The following AP2B1 variants were observed in gnomAD, a reference collection of about 807,000 sequenced individuals.
The protein encoded by AP2B1 is AP-2 complex subunit beta.
Under a neutral mutation model 102.0 loss-of-function variants are expected in AP2B1, and 23 were observed. The observed-to-expected ratio is 0.23, with a 90% CI of 0.16 to 0.32. The LOEUF (loss-of-function observed/expected upper bound fraction) is 0.32, where lower values mean the gene tolerates loss of function less well. Ranked by LOEUF, AP2B1 falls within the 10% of genes least tolerant of loss-of-function variation. The pLI is 1.00. For missense variants in AP2B1, 541 were observed against 1,157.4 expected (o/e 0.47, Z 7.73); for synonymous variants, 381 against 421.2 (o/e 0.90, Z 1.17).
chr17:35,630,428 C>T (rs891517214), intron 9 of AP2B1, among the ~76,000 whole-genome samples: 3 of 152,176 alleles, frequency 2.0e-5, no homozygotes, highest in Non-Finnish European at 2.9e-5. Flanking sequence ...TACTAGCCGT[C>T]TACTTAGTAT....
intron 12 of AP2B1, among the ~76,000 whole-genome samples, chr17:35,649,220 G>T (rs1409536429): frequency 6.6e-6 from 1 of 151,968 alleles, no homozygotes; most frequent in African/African-American, 2.4e-5. Context: ...ATATATGGAA[G>T]ATATAATATA....
chr17:35,610,689 C>G (rs763242535), intron 5 of AP2B1, among the ~76,000 whole-genome samples: 1 of 151,882 alleles, frequency 6.6e-6, no homozygotes, highest in Non-Finnish European at 1.5e-5. Flanking sequence ...GGGTGGATCA[C>G]GAAGTCAGGA....
intron 13 of AP2B1, among the ~76,000 whole-genome samples, chr17:35,651,946 T>A (rs1272255126): frequency 6.6e-6 from 1 of 152,208 alleles, no homozygotes; most frequent in South Asian, 2.1e-4. Flanking sequence ...CAAGTTTCGA[T>A]GTAGATACGG....
At chr17:35,613,626 TAGAG>T (rs1403217779) in intron 5 of AP2B1, among the ~76,000 whole-genome samples, 1 of 152,210 alleles carries the variant, frequency 6.6e-6, no homozygotes, top group African/African-American at 2.4e-5. Flanking sequence ...GCTACTATCT[TAGAG>T]AGTTGTTTGG....
intron 18 of AP2B1, among the ~76,000 whole-genome samples, chr17:35,684,660 T>A (rs2075893743): frequency 6.6e-6 from 1 of 152,194 alleles, no homozygotes; most frequent in Non-Finnish European, 1.5e-5. Context: ...GCTGTTACTA[T>A]GATGACAGTA....
At chr17:35,659,950 C>T in intron 14 of AP2B1, 1 of 985,326 alleles carries the variant, frequency 1.0e-6, no homozygotes, top group Non-Finnish European at 1.2e-6. Context: ...CCTAAATTTG[C>T]CTGTGTGGAA....
intron 4 of AP2B1, among the ~76,000 whole-genome samples, chr17:35,606,684 C>A (rs1013413425): frequency 1.3e-5 from 2 of 152,056 alleles, no homozygotes; most frequent in African/African-American, 4.8e-5. Context: ...ATTTTCTGAC[C>A]TCCAACCCCC....
At chr17:35,662,699 C>G (rs2075385857) in intron 14 of AP2B1, among the ~76,000 whole-genome samples, 1 of 152,060 alleles carries the variant, frequency 6.6e-6, no homozygotes, top group Non-Finnish European at 1.5e-5. Flanking sequence ...GCTCATGAGT[C>G]TGACATCTGC....
intron 5 of AP2B1, among the ~76,000 whole-genome samples, chr17:35,613,115 G>T (rs1330161352): frequency 6.6e-6 from 1 of 150,780 alleles, no homozygotes. Flanking sequence ...TTTTTCAGAG[G>T]CTACTCCACA....
intron 21 of AP2B1, among the ~76,000 whole-genome samples, chr17:35,717,638 G>A (rs781949858): frequency 6.6e-6 from 1 of 152,140 alleles, no homozygotes; most frequent in Non-Finnish European, 1.5e-5. Flanking sequence ...CTCAATATCA[G>A]TTAATACATA....
intron 21 of AP2B1, among the ~76,000 whole-genome samples, chr17:35,721,083 T>A (rs1055007582): frequency 2.6e-5 from 4 of 152,156 alleles, no homozygotes; most frequent in Non-Finnish European, 4.4e-5. Flanking sequence ...CACTAATGCA[T>A]GACAGACTGA....
intron 13 of AP2B1, among the ~76,000 whole-genome samples, chr17:35,655,971 G>A (rs992433609): frequency 1.3e-5 from 2 of 152,162 alleles, no homozygotes; most frequent in African/African-American, 4.8e-5. Flanking sequence ...TTAATGATTT[G>A]TAGGAATTCC....
intron 9 of AP2B1, among the ~76,000 whole-genome samples, chr17:35,631,430 A>T (rs762000193): frequency 3.3e-5 from 5 of 152,200 alleles, no homozygotes; most frequent in Non-Finnish European, 7.3e-5. Context: ...ACTCTCTCAG[A>T]TATGCAGTGG....
At chr17:35,644,473 G>T (rs973570317) in intron 12 of AP2B1, among the ~76,000 whole-genome samples, 1 of 151,948 alleles carries the variant, frequency 6.6e-6, no homozygotes. Flanking sequence ...CACCTCCCGG[G>T]TTCAAACAAT....
rs1325785580 is a variant in AP2B1 at position 35,724,862 on chromosome 17, A to T, written c.*1163A>T. 1 of 152,170 alleles carries T rather than the reference A, an allele frequency of 6.6e-6. No individual in the cohort carries two copies. The highest frequency in any genetic ancestry group is 1.5e-5 in the Non-Finnish European group (1 of 68,040). 9.4% of individuals were successfully genotyped at this position (152,170 alleles called of 1,614,324 possible). On this transcript the variant is annotated 3_prime_UTR_variant, in exon 22 of 22. Coordinates refer to ENST00000610402, the MANE Select transcript of AP2B1 (RefSeq NM_001030006.2). The stretch of plus-strand genomic sequence containing the variant: ...CCATATTGATTTTGACGCTCTGTAT[A>T]TTGGCATCAGGTGGCAGCTGAATAT...
At chr17:35,694,958 C>T (rs138461440) in intron 18 of AP2B1, among the ~76,000 whole-genome samples, 583 of 152,178 alleles carry the variant, frequency 3.8e-3, no homozygotes, top group African/African-American at 0.013. Flanking sequence ...TGCCTCTGCC[C>T]CCCTCTTCCC....
rs142745422 is a variant in AP2B1, at chr17:35,631,489, A to G, written c.1155+3763A>G. Among the ~76,000 whole-genome samples the G allele has an allele frequency of 2.4e-3, 360 of 152,254 alleles. 6 individuals are homozygous for G. The East Asian group carries it at 0.041, about 17-fold the overall frequency. On this transcript the variant is annotated intron_variant, in intron 9 of 21. Coordinates refer to ENST00000610402, the MANE Select transcript of AP2B1 (RefSeq NM_001030006.2). ...TATATCATTGTTTATATAGTGTTCT[A>G]TACAAAGATGTATTTTTTTATAAAA...
intron 12 of AP2B1, among the ~76,000 whole-genome samples, chr17:35,642,256 G>T (rs184950448): frequency 2.0e-5 from 3 of 152,090 alleles, no homozygotes; most frequent in Admixed American, 1.3e-4. Context: ...TGAAAATGAC[G>T]TGATCTGATA....
intron 16 of AP2B1, among the ~76,000 whole-genome samples, chr17:35,673,609 G>A (rs9907772): frequency 0.23 from 34,989 of 152,084 alleles, 4,299 homozygotes; most frequent in East Asian, 0.34. Flanking sequence ...GATTATATGA[G>A]CAATATCTGA....
Sources: gnomAD v4.1 joint callset for allele counts (sites outside exome capture counted in the v4.1 genomes callset) on GRCh38, gnomAD v4.1.1 for gene constraint, MANE v1.5 for transcripts, NCBI Gene and HGNC (gene_info 2026-07-23, HGNC 2026-07-21) for gene names.